The following SHB variants were observed in gnomAD, a reference collection of about 807,000 sequenced individuals.
The protein encoded by SHB is SH2 domain containing adaptor protein B, also known as SH2 domain-containing adapter protein B.
SHB carries 20 observed loss-of-function variants against 52.3 expected under a neutral mutation model. That is an observed-to-expected ratio of 0.38 (90% CI 0.27 to 0.56). SHB has a LOEUF of 0.56. Ranked by LOEUF, SHB falls within the 20% of genes least tolerant of loss-of-function variation. The pLI is 0.71. For missense variants in SHB, 825 were observed against 723.3 expected, an observed-to-expected ratio of 1.14 and a Z score of -1.61; for synonymous variants, 397 against 316.5, an observed-to-expected ratio of 1.25 and a Z score of -2.70.
At chr9:38,034,546 A>C (rs1027389012) in intron 1 of SHB, among the ~76,000 whole-genome samples, 54 of 152,180 alleles carry the variant, frequency 3.5e-4, no homozygotes, top group Non-Finnish European at 6.6e-4. Context: ...TTGAGTTGAA[A>C]TCTTTTTGAG....
chr9:38,015,506 T>C (rs1399824234), intron 2 of SHB: 1 of 700,766 alleles, frequency 1.4e-6, no homozygotes, highest in Non-Finnish European at 2.6e-6. Context: ...GGGTTATTTA[T>C]GCTGCTTCCA....
At chr9:37,949,392 C>CAAAAA (rs771495216) in intron 4 of SHB, among the ~76,000 whole-genome samples, 3 of 50,148 alleles carry the variant, frequency 6.0e-5, no homozygotes, top group African/African-American at 2.1e-4. Flanking sequence ...GACTCCATCT[C>CAAAAA]AAAAAAAAAA....
chr9:37,925,536 T>C (rs569591672), intron 5 of SHB, among the ~76,000 whole-genome samples: 8 of 152,332 alleles, frequency 5.3e-5, no homozygotes, highest in Non-Finnish European at 1.0e-4. Context: ...AGCCGCCCAG[T>C]GTCCCCTGCC....
At chr9:37,998,343 G>A (rs1188429517) in intron 2 of SHB, among the ~76,000 whole-genome samples, 3 of 152,212 alleles carry the variant, frequency 2.0e-5, no homozygotes, top group Non-Finnish European at 2.9e-5. Context: ...AACTGCAGGC[G>A]CCCCAGAGAC....
chr9:37,979,694 T>G (rs1422400311), intron 2 of SHB, among the ~76,000 whole-genome samples: 1 of 151,318 alleles, frequency 6.6e-6, no homozygotes, highest in African/African-American at 2.4e-5. Context: ...CAGTGGTTCA[T>G]GCCTGTAACC....
chr9:38,063,602 C>CCT (rs1821920996), intron 1 of SHB, among the ~76,000 whole-genome samples: 1 of 152,224 alleles, frequency 6.6e-6, no homozygotes, highest in African/African-American at 2.4e-5. Flanking sequence ...CCCTCCCAAC[C>CCT]CTGTGCACAC....
intron 1 of SHB, among the ~76,000 whole-genome samples, chr9:38,035,942 G>A (rs1821481044): frequency 6.6e-6 from 1 of 152,098 alleles, no homozygotes; most frequent in Non-Finnish European, 1.5e-5. Flanking sequence ...ATCCAAGACT[G>A]AGAATCACTC....
At chr9:37,968,498 T>G (rs1383665111) in intron 3 of SHB, among the ~76,000 whole-genome samples, 1 of 152,194 alleles carries the variant, frequency 6.6e-6, no homozygotes, top group Non-Finnish European at 1.5e-5. Context: ...CCAAAATAAG[T>G]ATGCTGAGCA....
chr9:37,993,848 A>G (rs1414305521), intron 2 of SHB, among the ~76,000 whole-genome samples: 1 of 152,218 alleles, frequency 6.6e-6, no homozygotes, highest in Admixed American at 6.5e-5. Flanking sequence ...GAAGCTGACG[A>G]TACAGAACTG....
At chr9:37,960,776 C>T (rs1832684919) in intron 3 of SHB, among the ~76,000 whole-genome samples, 1 of 152,196 alleles carries the variant, frequency 6.6e-6, no homozygotes, top group African/African-American at 2.4e-5. Context: ...AGACACCTAG[C>T]TTAGCTCTAT....
intron 1 of SHB, among the ~76,000 whole-genome samples, chr9:38,057,486 G>T (rs1255708897): frequency 1.3e-5 from 2 of 152,192 alleles, no homozygotes; most frequent in Non-Finnish European, 2.9e-5. Context: ...AAAGATAAAT[G>T]TGGAACTACA....
chr9:37,952,811 G>A (rs72724201), intron 4 of SHB, among the ~76,000 whole-genome samples: 1,598 of 152,090 alleles, frequency 0.011, 12 homozygotes, highest in Non-Finnish European at 0.017. Context: ...GCTGGGGGAG[G>A]GGCAAGTTTC....
chr9:37,968,924 CCT>C (rs2117951477), intron 3 of SHB, among the ~76,000 whole-genome samples: 1 of 152,214 alleles, frequency 6.6e-6, no homozygotes, highest in African/African-American at 2.4e-5. Flanking sequence ...TATACGGGCC[CCT>C]CTCTGTGCTG....
intron 5 of SHB, among the ~76,000 whole-genome samples, chr9:37,929,213 G>C (rs1232118506): frequency 6.6e-6 from 1 of 152,242 alleles, no homozygotes; most frequent in Non-Finnish European, 1.5e-5. Context: ...CTGAGGTCTG[G>C]ACAGCAGGGA....
At chr9:38,042,879 C>T (rs1821600705) in intron 1 of SHB, among the ~76,000 whole-genome samples, 1 of 152,182 alleles carries the variant, frequency 6.6e-6, no homozygotes, top group African/African-American at 2.4e-5. Context: ...GTCACAGAGA[C>T]TCCTCAGACC....
chr9:38,000,335 C>T (rs1227715589), intron 2 of SHB, among the ~76,000 whole-genome samples: 3 of 152,328 alleles, frequency 2.0e-5, no homozygotes, highest in East Asian at 1.9e-4. Flanking sequence ...TGCAAGTTCT[C>T]GGGCTTCAGT....
intron 2 of SHB, among the ~76,000 whole-genome samples, chr9:37,995,311 C>T (rs906860189): frequency 1.3e-5 from 2 of 152,210 alleles, no homozygotes; most frequent in Non-Finnish European, 2.9e-5. Flanking sequence ...CGGACACTTT[C>T]CTGGGGAAGT....
chr9:37,974,897 TC>T, intron 2 of SHB, 60 bp from the exon 3 acceptor site: 2 of 1,385,682 alleles, frequency 1.4e-6, no homozygotes, highest in Non-Finnish European at 2.0e-6. Context: ...TCACCTGCAT[TC>T]CCACCCAGAA....
At chr9:38,015,347 A>G (rs868186352) in intron 2 of SHB, 4 of 695,594 alleles carry the variant, frequency 5.8e-6, no homozygotes, top group Middle Eastern at 4.7e-4. Flanking sequence ...TATCCTGGCT[A>G]AAATAGGCCC....
Sources: allele counts gnomAD v4.1 joint callset (sites outside exome capture counted in the v4.1 genomes callset), GRCh38; gene constraint gnomAD v4.1.1; transcripts MANE v1.5; gene names NCBI Gene and HGNC (gene_info 2026-07-23, HGNC 2026-07-21).